The following DLEU7 variants were observed in gnomAD, a reference collection of about 807,000 sequenced individuals.
DLEU7 encodes the protein leukemia-associated protein 7.
In DLEU7, 17 loss-of-function variants were observed where a neutral mutation model predicts 16.0. That is an observed-to-expected ratio of 1.06 (90% CI 0.73 to 1.59). The LOEUF (loss-of-function observed/expected upper bound fraction) is 1.59. DLEU7 is among the 40% of genes most tolerant of loss of function. DLEU7 has a pLI of 0.00. For missense variants in DLEU7, 308 were observed against 314.9 expected, an observed-to-expected ratio of 0.98 and a Z score of 0.17; for synonymous variants, 113 against 139.8, an observed-to-expected ratio of 0.81 and a Z score of 1.35.
At chr13:50,789,639 G>A (rs1487145804) in intron 1 of DLEU7, among the ~76,000 whole-genome samples, 1 of 151,864 alleles carries the variant, frequency 6.6e-6, no homozygotes, top group Non-Finnish European at 1.5e-5. Context: ...TTGATTGCAA[G>A]TCACCTTTAA....
intron 1 of DLEU7, among the ~76,000 whole-genome samples, chr13:50,784,700 G>A (rs993109818): frequency 6.6e-6 from 1 of 152,192 alleles, no homozygotes; most frequent in Non-Finnish European, 1.5e-5. Flanking sequence ...CTCCCTAGCG[G>A]TGACCTTAGA....
intron 1 of DLEU7, among the ~76,000 whole-genome samples, chr13:50,746,313 T>C (rs1874393319): frequency 6.6e-6 from 1 of 152,132 alleles, no homozygotes; most frequent in South Asian, 2.1e-4. Context: ...GAAAGGAAAA[T>C]AGCTCAAGAA....
At chr13:50,829,158 G>T (rs942754713) in intron 1 of DLEU7, among the ~76,000 whole-genome samples, 1 of 152,062 alleles carries the variant, frequency 6.6e-6, no homozygotes, top group African/African-American at 2.4e-5. Flanking sequence ...TTCTAATGTG[G>T]CCCAGGGAAG....
intron 1 of DLEU7, among the ~76,000 whole-genome samples, chr13:50,809,032 A>C (rs1876482443): frequency 6.6e-6 from 1 of 152,126 alleles, no homozygotes; most frequent in East Asian, 1.9e-4. Flanking sequence ...ATCAATTACC[A>C]GTGTCCCAGT....
chr13:50,789,040 GGAGCATCGTCGTATTGCCAAACA>G (rs1308420330), intron 1 of DLEU7, among the ~76,000 whole-genome samples: 1 of 152,002 alleles, frequency 6.6e-6, no homozygotes, highest in East Asian at 1.9e-4. Context: ...ACATACATCT[GGAGCATCGTCGTATTGCCAAACA>G]GAGCCTCGTC....
chr13:50,727,281 T>G (rs1351398924), intron 1 of DLEU7, among the ~76,000 whole-genome samples: 2 of 151,574 alleles, frequency 1.3e-5, no homozygotes, highest in Non-Finnish European at 2.9e-5. Context: ...AGGCAGAGAT[T>G]GAAAAATCGT....
intron 1 of DLEU7, among the ~76,000 whole-genome samples, chr13:50,835,285 A>G (rs1342444318): frequency 6.6e-6 from 1 of 152,206 alleles, no homozygotes; most frequent in African/African-American, 2.4e-5. Context: ...AAGCTCAGCC[A>G]TGTAGTGTGG....
intron 1 of DLEU7, among the ~76,000 whole-genome samples, chr13:50,738,228 T>C (rs1342835209): frequency 6.6e-6 from 1 of 152,178 alleles, no homozygotes; most frequent in East Asian, 1.9e-4. Flanking sequence ...TGGTAGAATT[T>C]AGATGGTGAG....
chr13:50,725,252 C>T (rs1873735816), intron 1 of DLEU7, among the ~76,000 whole-genome samples: 1 of 152,176 alleles, frequency 6.6e-6, no homozygotes, highest in African/African-American at 2.4e-5. Context: ...GCCACGTGGT[C>T]ATGGGCTGTG....
intron 1 of DLEU7, among the ~76,000 whole-genome samples, chr13:50,718,747 T>G (rs898117267): frequency 3.9e-5 from 6 of 152,360 alleles, no homozygotes; most frequent in African/African-American, 1.4e-4. Flanking sequence ...GTGTGACCAT[T>G]AAATTTGCTG....
chr13:50,774,163 A>G (rs1450219113), intron 1 of DLEU7, among the ~76,000 whole-genome samples: 1 of 152,144 alleles, frequency 6.6e-6, no homozygotes, highest in African/African-American at 2.4e-5. Context: ...TTTTCCAGGT[A>G]CAGTCTGTCA....
At chr13:50,835,040 TA>T in intron 1 of DLEU7, among the ~76,000 whole-genome samples, 1 of 25,370 alleles carries the variant, frequency 3.9e-5, no homozygotes, top group South Asian at 1.4e-3. Flanking sequence ...CCGGGGCCTG[TA>T]GGGGGGTGGG....
rs149491348 is a variant in DLEU7, at chr13:50,728,272, A to T, written c.460-15032T>A. Among the ~76,000 whole-genome samples the T allele has an allele frequency of 1.6e-3, 241 of 152,340 alleles. 3 individuals are homozygous for T. In the East Asian group the frequency reaches 0.024, roughly 15 times the overall value. The stretch of plus-strand genomic sequence containing the variant: ...AGATAAGAAACTAGTTGTTTTAAAG[A>T]CAAATAAGAAATATAATAGACTAAC... On this transcript the variant is annotated intron_variant, in intron 1 of 1. Coordinates refer to the DLEU7 transcript ENST00000400393.
intron 1 of DLEU7, among the ~76,000 whole-genome samples, chr13:50,789,834 T>G (rs1875898821): frequency 6.6e-6 from 1 of 152,234 alleles, no homozygotes; most frequent in Non-Finnish European, 1.5e-5. Flanking sequence ...ATAGAATTTT[T>G]CTTAATGTTA....
intron 1 of DLEU7, among the ~76,000 whole-genome samples, chr13:50,789,382 A>G (rs1875884663): frequency 6.8e-6 from 1 of 147,924 alleles, no homozygotes. Flanking sequence ...TTCAGTGTGA[A>G]TGTTTCTTTT....
rs534112335 is a variant in DLEU7, at chr13:50,808,746, G to A, written c.459+34442C>T. 15 of 152,208 alleles carry A rather than the reference G, an allele frequency of 9.9e-5. No homozygotes were observed. In the South Asian group the frequency reaches 2.3e-3, roughly 23 times the overall value. The allele number at this position is 152,208 out of a possible 1,614,324, so 9.4% of individuals were successfully genotyped here. A position where few individuals can be genotyped will look rare whatever the true frequency, so the allele number is the denominator to read the frequency against. ...AAAGGATGACTGATTTATAAATTGG[G>A]TTTAGGAGCCAAGAGTTATGCTCTA... On this transcript the variant is annotated intron_variant, in intron 1 of 1. Transcript: ENST00000400393.
At chr13:50,822,796 C>T, downstream of DLEU7, 2 of 985,704 alleles carry the variant, frequency 2.0e-6, no homozygotes, top group South Asian at 9.4e-5. Context: ...AGGATTGAAG[C>T]TCATAATTAC....
chr13:50,802,120 T>TAAAAAA lies in DLEU7; in HGVS notation c.459+41062_459+41067dup, dbSNP rs11453529. Among the ~76,000 whole-genome samples the TAAAAAA allele has an allele frequency of 5.3e-4, 28 of 53,022 alleles. 2 individuals carry two copies. Among genetic ancestry groups the TAAAAAA allele is most frequent in the Middle Eastern group, 0.011 (1 of 94 alleles). The allele number at this position is 53,022 out of a possible 152,430, so 34.8% of individuals were successfully genotyped here. A position where few individuals can be genotyped will look rare whatever the true frequency, so the allele number is the denominator to read the frequency against. On this transcript the variant is annotated intron_variant, in intron 1 of 1. Transcript: ENST00000400393. ...AATGAACAAGGGAGCCTCTATACACTAAAAAAAAAAAAAAAAAAAAAAAAA... is the reference window on the plus strand; with the variant it reads ...AATGAACAAGGGAGCCTCTATACACTAAAAAAAAAAAAAAAAAAAAAAAAAAAAAAA...
intron 1 of DLEU7, among the ~76,000 whole-genome samples, chr13:50,768,449 C>G (rs182373552): frequency 7.5e-6 from 1 of 132,470 alleles, no homozygotes; most frequent in East Asian, 2.6e-4. Context: ...CCTCACCCCA[C>G]GACAGGCCCT....
Sources: allele counts gnomAD v4.1 joint callset (sites outside exome capture counted in the v4.1 genomes callset), GRCh38; gene constraint gnomAD v4.1.1; transcripts MANE v1.5; gene names NCBI Gene and HGNC (gene_info 2026-07-23, HGNC 2026-07-21).